ST8SIA6: variants seen among roughly 807,000 people sequenced by gnomAD.
ST8SIA6 encodes the protein alpha-2,8-sialyltransferase 8F.
A neutral mutation model predicts 33.6 loss-of-function variants in ST8SIA6; 39 were observed. The ratio of observed to expected loss-of-function variants is 1.16; its 90% CI spans 0.90 to 1.52. ST8SIA6 has a LOEUF of 1.52. Ranked by LOEUF, ST8SIA6 falls within the 40% of genes most tolerant of loss-of-function variation. ST8SIA6 has a pLI of 0.00. For missense variants in ST8SIA6, 441 were observed against 443.8 expected (o/e 0.99, Z 0.06); for synonymous variants, 172 against 167.2 (o/e 1.03, Z -0.22).
intron 3 of ST8SIA6, among the ~76,000 whole-genome samples, chr10:17,379,018 G>A (rs1006458887): frequency 9.2e-5 from 14 of 151,806 alleles, no homozygotes; most frequent in African/African-American, 3.4e-4. Flanking sequence ...CCCAGCTACT[G>A]GGGAGGCTGA....
At chr10:17,380,737 ATGTG>A (rs937514041) in intron 3 of ST8SIA6, among the ~76,000 whole-genome samples, 2 of 151,692 alleles carry the variant, frequency 1.3e-5, no homozygotes, top group African/African-American at 2.4e-5. Context: ...AACAGCCAAG[ATGTG>A]TGTGTGTATG....
At chr10:17,435,667 A>G (rs1220019265) in intron 2 of ST8SIA6, among the ~76,000 whole-genome samples, 1 of 136,490 alleles carries the variant, frequency 7.3e-6, no homozygotes, top group Non-Finnish European at 1.6e-5. Context: ...ATCTTAAACA[A>G]ACAGCATTTC....
At chr10:17,355,295 ATCTT>A (rs1263916123) in intron 4 of ST8SIA6, among the ~76,000 whole-genome samples, 4 of 152,162 alleles carry the variant, frequency 2.6e-5, no homozygotes, top group African/African-American at 9.7e-5. Flanking sequence ...TCTCTTTGAA[ATCTT>A]TCTGTCAGTA....
At chr10:17,364,754 G>A (rs1849504136) in intron 3 of ST8SIA6, among the ~76,000 whole-genome samples, 1 of 152,202 alleles carries the variant, frequency 6.6e-6, no homozygotes, top group African/African-American at 2.4e-5. Context: ...GGGGATAGGT[G>A]TATCTCTGCA....
chr10:17,371,792 A>T (rs1849742227), intron 3 of ST8SIA6, among the ~76,000 whole-genome samples: 1 of 147,148 alleles, frequency 6.8e-6, no homozygotes. Flanking sequence ...TTAAAAAAAA[A>T]AAAAAAAAAA....
At chr10:17,333,672 G>GATATATATATATATATATATAT (rs1165578414) in intron 4 of ST8SIA6, among the ~76,000 whole-genome samples, 1 of 35,216 alleles carries the variant, frequency 2.8e-5, no homozygotes, top group Non-Finnish European at 4.5e-5. Flanking sequence ...ATGGTGCTGG[G>GATATATATATATATATATATAT]ATATATATAT....
intron 2 of ST8SIA6, among the ~76,000 whole-genome samples, chr10:17,442,810 AACTAT>A (rs1031094670): frequency 5.3e-5 from 8 of 152,186 alleles, no homozygotes; most frequent in Non-Finnish European, 1.0e-4. Flanking sequence ...ATAAGCACAC[AACTAT>A]AAACTCAGGC....
intron 4 of ST8SIA6, among the ~76,000 whole-genome samples, chr10:17,343,749 A>G (rs142123172): frequency 6.6e-6 from 1 of 152,314 alleles, no homozygotes; most frequent in East Asian, 1.9e-4. Flanking sequence ...TGATCAGAGG[A>G]GCAGGTTTAC....
chr10:17,373,213 C>A (rs4526679), intron 3 of ST8SIA6, among the ~76,000 whole-genome samples: 56,332 of 151,962 alleles, frequency 0.37, 10,666 homozygotes, highest in East Asian at 0.59. Context: ...GCAGATCTTA[C>A]ACCAATTTCA....
In ST8SIA6 at chr10:17,443,253, G is replaced by T. The variant is rs370780524; in HGVS notation, c.200+10306C>A. Among the ~76,000 whole-genome samples the T allele has an allele frequency of 5.3e-5, 8 of 152,138 alleles. No individual in the cohort carries two copies. The East Asian group carries it at 7.7e-4, about 15-fold the overall frequency. On this transcript the variant is annotated intron_variant, in intron 2 of 7. Coordinates refer to ENST00000377602, the MANE Select transcript of ST8SIA6 (RefSeq NM_001004470.3). The stretch of plus-strand genomic sequence containing the variant: ...TTAGAAGATACCTGGCAAACACCAG[G>T]TTTTGGAATCACACATTTATTTTAT...
At chr10:17,349,255 C>A (rs1848954415) in intron 4 of ST8SIA6, among the ~76,000 whole-genome samples, 1 of 152,104 alleles carries the variant, frequency 6.6e-6, no homozygotes, top group Non-Finnish European at 1.5e-5. Context: ...ATCACAAAAG[C>A]AAAACTGGGG....
chr10:17,358,450 G>A (rs190288664), intron 4 of ST8SIA6, among the ~76,000 whole-genome samples: 80 of 152,236 alleles, frequency 5.3e-4, no homozygotes, highest in Admixed American at 2.7e-3. Flanking sequence ...CAAGTTTAAT[G>A]CTTCAAGTAA....
chr10:17,437,965 G>A (rs554293247), intron 2 of ST8SIA6, among the ~76,000 whole-genome samples: 3 of 151,992 alleles, frequency 2.0e-5, no homozygotes, highest in Non-Finnish European at 2.9e-5. Context: ...TCCTGACTTC[G>A]TGATTCATCC....
intron 5 of ST8SIA6, among the ~76,000 whole-genome samples, chr10:17,330,547 A>G (rs1025449802): frequency 3.3e-5 from 5 of 152,074 alleles, no homozygotes; most frequent in Non-Finnish European, 7.4e-5. Context: ...ATCCTAATAT[A>G]AAAAAAATTG....
At chr10:17,347,937 T>C (rs1848893594) in intron 4 of ST8SIA6, among the ~76,000 whole-genome samples, 1 of 113,032 alleles carries the variant, frequency 8.8e-6, no homozygotes, top group South Asian at 3.0e-4. Flanking sequence ...GCCTAGGCGA[T>C]GGTGAGACTC....
intron 1 of ST8SIA6, 102 bp from the exon 2 acceptor site, chr10:17,453,759 T>C (rs1298537911): frequency 6.6e-6 from 6 of 911,988 alleles, no homozygotes; most frequent in Non-Finnish European, 5.8e-6. Context: ...GATCTCGCAC[T>C]CCCCGGCTCC....
At chr10:17,447,154 G>C (rs61844077) in intron 2 of ST8SIA6, among the ~76,000 whole-genome samples, 5,972 of 152,178 alleles carry the variant, frequency 0.039, 170 homozygotes, top group South Asian at 0.058. Context: ...ACTTTCGGAG[G>C]CCGAGGGGGC....
chr10:17,435,716 G>T (rs1464793320), intron 2 of ST8SIA6, among the ~76,000 whole-genome samples: 2 of 146,164 alleles, frequency 1.4e-5, no homozygotes, highest in African/African-American at 2.5e-5. Flanking sequence ...GGGGGTTGGG[G>T]GGGTGGGGGG....
At chr10:17,430,997 C>T (rs773358628) in intron 2 of ST8SIA6, among the ~76,000 whole-genome samples, 2 of 152,158 alleles carry the variant, frequency 1.3e-5, no homozygotes, top group African/African-American at 2.4e-5. Flanking sequence ...CCAAGCGAGA[C>T]ATTTATATTT....
Sources: allele counts gnomAD v4.1 joint callset (sites outside exome capture counted in the v4.1 genomes callset), GRCh38; gene constraint gnomAD v4.1.1; transcripts MANE v1.5; gene names NCBI Gene and HGNC (gene_info 2026-07-23, HGNC 2026-07-21).